Variants in NOS1AP observed in about 807,000 individuals in gnomAD.
NOS1AP encodes the protein carboxyl-terminal PDZ ligand of neuronal nitric oxide synthase protein.
Under a neutral mutation model 56.2 loss-of-function variants are expected in NOS1AP, and 21 were observed. The ratio of observed to expected loss-of-function variants is 0.37; its 90% CI spans 0.26 to 0.54. The LOEUF is 0.54. Among genes scored for constraint, NOS1AP ranks in the 20% least tolerant of loss-of-function variants. The pLI, the probability that NOS1AP is intolerant of heterozygous loss-of-function variation, is 0.84. For missense variants in NOS1AP, 522 were observed against 657.8 expected (o/e 0.79, Z 2.26); for synonymous variants, 270 against 274.6 (o/e 0.98, Z 0.17).
chr1:162,316,958 G>A, intron 4 of NOS1AP: 1 of 166,280 alleles, frequency 6.0e-6, no homozygotes. Flanking sequence ...TCAGAGGCCT[G>A]ACATTGACCT....
At chr1:162,177,646 A>T (rs1180052995) in intron 2 of NOS1AP, among the ~76,000 whole-genome samples, 3 of 152,212 alleles carry the variant, frequency 2.0e-5, no homozygotes, top group Non-Finnish European at 4.4e-5. Flanking sequence ...TTATTTAAAC[A>T]TTTTTAACTA....
intron 2 of NOS1AP, among the ~76,000 whole-genome samples, chr1:162,212,237 G>A (rs1006795732): frequency 6.6e-6 from 1 of 152,194 alleles, no homozygotes; most frequent in Non-Finnish European, 1.5e-5. Flanking sequence ...GACATATAGA[G>A]AACCAGGGGC....
At chr1:162,111,097 A>G (rs1647691127) in intron 1 of NOS1AP, among the ~76,000 whole-genome samples, 1 of 152,224 alleles carries the variant, frequency 6.6e-6, no homozygotes, top group Non-Finnish European at 1.5e-5. Flanking sequence ...AGATATTTTT[A>G]GGCAGTGATG....
intron 8 of NOS1AP, chr1:162,360,549 G>A (rs1657867427): frequency 1.1e-5 from 4 of 350,962 alleles, no homozygotes; most frequent in Middle Eastern, 2.0e-3. Flanking sequence ...GTACAGTTCA[G>A]TATTGCTATT....
chr1:162,149,819 T>C (rs566747166), intron 1 of NOS1AP, among the ~76,000 whole-genome samples: 1 of 152,346 alleles, frequency 6.6e-6, no homozygotes, highest in South Asian at 2.1e-4. Context: ...TAATTTATTT[T>C]ATTTTAAAAA....
intron 5 of NOS1AP, among the ~76,000 whole-genome samples, chr1:162,337,494 T>C (rs573627099): frequency 2.0e-5 from 3 of 152,004 alleles, no homozygotes; most frequent in East Asian, 3.9e-4. Context: ...TTTTATACTT[T>C]AGGTTGAGTT....
intron 3 of NOS1AP, among the ~76,000 whole-genome samples, chr1:162,299,158 C>T (rs1424551492): frequency 6.6e-6 from 1 of 152,152 alleles, no homozygotes; most frequent in Admixed American, 6.5e-5. Flanking sequence ...AATTTCAGTG[C>T]ATCAGTTGGA....
At chr1:162,243,781 C>T (rs1653574132) in intron 2 of NOS1AP, among the ~76,000 whole-genome samples, 1 of 152,112 alleles carries the variant, frequency 6.6e-6, no homozygotes, top group Non-Finnish European at 1.5e-5. Context: ...GCTGTCTGTT[C>T]ATTCTTGCAG....
intron 2 of NOS1AP, among the ~76,000 whole-genome samples, chr1:162,272,848 G>A (rs1261656828): frequency 1.3e-5 from 2 of 152,118 alleles, no homozygotes; most frequent in African/African-American, 4.8e-5. Context: ...TCTATATCTT[G>A]AGCCCCAGAG....
At chr1:162,121,987 A>C (rs1427895782) in intron 1 of NOS1AP, among the ~76,000 whole-genome samples, 1 of 152,248 alleles carries the variant, frequency 6.6e-6, no homozygotes, top group African/African-American at 2.4e-5. Flanking sequence ...ACAACCTAGT[A>C]TTTAAAAGCT....
chr1:162,357,032 C>CCAGGCCTGGGCA lies in NOS1AP; in HGVS notation c.839_850dup (p.Gly280_Thr283dup), dbSNP rs766069817. On this transcript the variant is annotated inframe_insertion, in exon 8 of 10. Coordinates refer to ENST00000361897, the MANE Select transcript of NOS1AP (RefSeq NM_014697.3). ...GCTCCCTTCTTCTTCCTCGAAGCCT[C>CCAGGCCTGGGCA]CAGGCCTGGGCACAGAGACACCGCT... The CCAGGCCTGGGCA allele has an allele frequency of 7.4e-6, 12 of 1,613,758 alleles. No individual in the cohort carries two copies. The Admixed American group carries it at 2.0e-4, about 27-fold the overall frequency.
intron 2 of NOS1AP, among the ~76,000 whole-genome samples, chr1:162,221,288 A>G (rs1252594894): frequency 6.6e-6 from 1 of 152,196 alleles, no homozygotes. Flanking sequence ...AGCTGACTGC[A>G]TGGTGCTAAC....
chr1:162,112,073 C>T (rs1180726222), intron 1 of NOS1AP, among the ~76,000 whole-genome samples: 2 of 152,220 alleles, frequency 1.3e-5, no homozygotes, highest in African/African-American at 4.8e-5. Flanking sequence ...CACTGAGTTG[C>T]TCTGGGATCC....
At chr1:162,299,074 A>T (rs952258338) in intron 3 of NOS1AP, among the ~76,000 whole-genome samples, 4 of 152,248 alleles carry the variant, frequency 2.6e-5, no homozygotes, top group African/African-American at 9.6e-5. Context: ...TTGCTGTTTG[A>T]AGGACTACTA....
chr1:162,190,747 C>T (rs1651598237), intron 2 of NOS1AP, among the ~76,000 whole-genome samples: 1 of 150,942 alleles, frequency 6.6e-6, no homozygotes, highest in Non-Finnish European at 1.5e-5. Context: ...CCAAATCTCT[C>T]CCTATTACCC....
intron 2 of NOS1AP, among the ~76,000 whole-genome samples, chr1:162,174,874 A>G (rs1473486217): frequency 6.6e-6 from 1 of 152,056 alleles, no homozygotes; most frequent in Non-Finnish European, 1.5e-5. Context: ...TGTTTTTCAG[A>G]TTTTTGGTGA....
chr1:162,197,700 C>G (rs1651852643), intron 2 of NOS1AP, among the ~76,000 whole-genome samples: 1 of 152,194 alleles, frequency 6.6e-6, no homozygotes, highest in Admixed American at 6.5e-5. Context: ...GGGGCTAGGC[C>G]TCGCACCTGA....
intron 1 of NOS1AP, among the ~76,000 whole-genome samples, chr1:162,144,051 A>T (rs1325957942): frequency 6.6e-6 from 1 of 152,172 alleles, no homozygotes; most frequent in Admixed American, 6.5e-5. Flanking sequence ...ATGTGCCTTT[A>T]ATTCCATTCC....
intron 1 of NOS1AP, among the ~76,000 whole-genome samples, chr1:162,098,494 C>T (rs1294148116): frequency 1.1e-5 from 1 of 90,328 alleles, no homozygotes; most frequent in Non-Finnish European, 2.7e-5. Flanking sequence ...TTAACGGTGT[C>T]GTTTTTTTTT....
Sources: allele counts gnomAD v4.1 joint callset (sites outside exome capture counted in the v4.1 genomes callset), GRCh38; gene constraint gnomAD v4.1.1; transcripts MANE v1.5; gene names NCBI Gene and HGNC (gene_info 2026-07-23, HGNC 2026-07-21).